GNA14: variants seen among roughly 807,000 people sequenced by gnomAD.
The protein encoded by GNA14 is guanine nucleotide-binding protein subunit alpha-14.
In GNA14, 50 loss-of-function variants were observed where a neutral mutation model predicts 42.0. The observed-to-expected ratio is 1.19, with a 90% CI of 0.95 to 1.51. The LOEUF is 1.51. GNA14 is among the 40% of genes most tolerant of loss of function. The pLI, the probability that GNA14 is intolerant of heterozygous loss-of-function variation, is 0.00. For synonymous variants in GNA14, 173 were observed against 163.1 expected, an observed-to-expected ratio of 1.06 and a Z score of -0.46; for missense variants, 473 against 446.2, an observed-to-expected ratio of 1.06 and a Z score of -0.54.
chr9:77,545,788 A>G (rs937475428), intron 1 of GNA14, among the ~76,000 whole-genome samples: 1 of 152,134 alleles, frequency 6.6e-6, no homozygotes, highest in Non-Finnish European at 1.5e-5. Context: ...TGTTACTACT[A>G]TATCTTTACA....
At chr9:77,625,334 A>G (rs149083402) in intron 1 of GNA14, among the ~76,000 whole-genome samples, 19 of 152,316 alleles carry the variant, frequency 1.2e-4, no homozygotes, top group African/African-American at 4.6e-4. Flanking sequence ...TCAGGATATT[A>G]TCCAGGAGAA....
intron 1 of GNA14, among the ~76,000 whole-genome samples, chr9:77,589,131 T>A (rs118186402): frequency 0.014 from 2,147 of 152,330 alleles, 34 homozygotes; most frequent in South Asian, 0.063. Context: ...TATAGCTCAG[T>A]AACTTTTAGG....
chr9:77,637,967 T>A (rs1304868276), intron 1 of GNA14, among the ~76,000 whole-genome samples: 5 of 152,206 alleles, frequency 3.3e-5, no homozygotes, highest in Non-Finnish European at 7.3e-5. Flanking sequence ...TACTGGAAGA[T>A]CAATATATTA....
chr9:77,603,006 CT>C (rs1334857823), intron 1 of GNA14, among the ~76,000 whole-genome samples: 1 of 152,176 alleles, frequency 6.6e-6, no homozygotes, highest in African/African-American at 2.4e-5. Context: ...GCTGCCAACT[CT>C]TTTTTGTCTT....
chr9:77,465,150 G>A (rs1430613419), intron 2 of GNA14, among the ~76,000 whole-genome samples: 1 of 152,198 alleles, frequency 6.6e-6, no homozygotes, highest in Non-Finnish European at 1.5e-5. Flanking sequence ...GGTACTGTGT[G>A]ATAGCAGCCA....
At chr9:77,588,843 C>CT (rs1180967542) in intron 1 of GNA14, among the ~76,000 whole-genome samples, 1 of 152,160 alleles carries the variant, frequency 6.6e-6, no homozygotes, top group East Asian at 1.9e-4. Context: ...TGGGTGCTTA[C>CT]TGTGTTGCTC....
At chr9:77,429,294 G>A (rs564727477) in intron 4 of GNA14, among the ~76,000 whole-genome samples, 7 of 152,258 alleles carry the variant, frequency 4.6e-5, no homozygotes, top group East Asian at 3.9e-4. Flanking sequence ...GGAGCCTGCC[G>A]GTTAGGAAGC....
intron 2 of GNA14, among the ~76,000 whole-genome samples, chr9:77,447,151 G>C (rs1187481372): frequency 1.3e-5 from 2 of 152,082 alleles, no homozygotes; most frequent in Admixed American, 1.3e-4. Flanking sequence ...CACCATGTTA[G>C]CCAGGCTGGT....
chr9:77,517,016 T>G (rs1359193707), intron 2 of GNA14, among the ~76,000 whole-genome samples: 2 of 152,148 alleles, frequency 1.3e-5, no homozygotes, highest in African/African-American at 4.8e-5. Context: ...CTGGTGCAGT[T>G]TGGACCTTTC....
intron 2 of GNA14, among the ~76,000 whole-genome samples, chr9:77,460,953 G>A (rs1037097036): frequency 3.9e-5 from 6 of 152,194 alleles, no homozygotes; most frequent in African/African-American, 9.7e-5. Context: ...GATCACAGAC[G>A]TCAAGGGCTC....
intron 2 of GNA14, among the ~76,000 whole-genome samples, chr9:77,468,409 T>C (rs1836273778): frequency 6.6e-6 from 1 of 152,206 alleles, no homozygotes; most frequent in Non-Finnish European, 1.5e-5. Context: ...TCTGAAATCT[T>C]TCCTTTTAAT....
At chr9:77,532,376 G>A (rs1837542737) in intron 1 of GNA14, among the ~76,000 whole-genome samples, 1 of 152,188 alleles carries the variant, frequency 6.6e-6, no homozygotes, top group African/African-American at 2.4e-5. Flanking sequence ...TGGAACTTTA[G>A]CTTTCAGCCT....
chr9:77,586,034 TC>T (rs1170406666), intron 1 of GNA14, among the ~76,000 whole-genome samples: 1 of 152,190 alleles, frequency 6.6e-6, no homozygotes, highest in African/African-American at 2.4e-5. Context: ...CTTGCCTTGT[TC>T]TGACCTGAGT....
At chr9:77,444,387 G>A (rs1407668661) in intron 2 of GNA14, among the ~76,000 whole-genome samples, 1 of 152,058 alleles carries the variant, frequency 6.6e-6, no homozygotes, top group East Asian at 1.9e-4. Context: ...CCACATCCTG[G>A]GGCAGGCACA....
chr9:77,521,316 C>T (rs1837351478), intron 2 of GNA14, among the ~76,000 whole-genome samples: 1 of 152,126 alleles, frequency 6.6e-6, no homozygotes, highest in Non-Finnish European at 1.5e-5. Flanking sequence ...AAAGTTGGAA[C>T]ATTGGCCTCT....
At chr9:77,485,265 G>C (rs1365263473) in intron 2 of GNA14, among the ~76,000 whole-genome samples, 1 of 152,126 alleles carries the variant, frequency 6.6e-6, no homozygotes, top group Non-Finnish European at 1.5e-5. Context: ...TCCATCTCAA[G>C]AAATCACTTT....
At chr9:77,459,443 C>T (rs955881077) in intron 2 of GNA14, among the ~76,000 whole-genome samples, 31 of 152,110 alleles carry the variant, frequency 2.0e-4, no homozygotes, top group African/African-American at 7.5e-4. Context: ...CCTGGCCTCG[C>T]CTCCTGTCTG....
chr9:77,555,578 A>C (rs1822761390), intron 1 of GNA14, among the ~76,000 whole-genome samples: 1 of 152,228 alleles, frequency 6.6e-6, no homozygotes, highest in South Asian at 2.1e-4. Context: ...TGGTAAGATT[A>C]CATTCTTGGA....
intron 2 of GNA14, 107 bp from the exon 3 acceptor site, chr9:77,434,629 C>T: frequency 1.0e-6 from 1 of 980,172 alleles, no homozygotes; most frequent in South Asian, 1.6e-5. Context: ...AGAGCTCTCA[C>T]TAGGCATGGG....
Sources: allele counts gnomAD v4.1 joint callset (sites outside exome capture counted in the v4.1 genomes callset), GRCh38; gene constraint gnomAD v4.1.1; transcripts MANE v1.5; gene names NCBI Gene and HGNC (gene_info 2026-07-23, HGNC 2026-07-21).